Variants in SPG11 observed in about 807,000 individuals in gnomAD.
The protein encoded by SPG11 is SPG11 vesicle trafficking associated, spatacsin.
SPG11 carries 222 observed loss-of-function variants against 274.0 expected under a neutral mutation model. The ratio of observed to expected loss-of-function variants is 0.81; its 90% CI spans 0.73 to 0.91. The LOEUF (loss-of-function observed/expected upper bound fraction) is 0.91. Among genes scored for constraint, SPG11 ranks in the 40% least tolerant of loss-of-function variants. The pLI, the probability that SPG11 is intolerant of heterozygous loss-of-function variation, is 0.00. For synonymous variants in SPG11, 1,144 were observed against 1,039.7 expected (o/e 1.10, Z -1.93); for missense variants, 3,114 against 2,872.7 (o/e 1.08, Z -1.92).
rs1464190155 is a variant in SPG11, at chr15:44,600,464, C to T, written c.3686+3G>A. On this transcript the variant is annotated splice_donor_region_variant and intron_variant, in intron 21 of 39. Coordinates refer to ENST00000261866, the MANE Select transcript of SPG11 (RefSeq NM_025137.4). ...CAGACAAAATTATATTTTAAATACT[C>T]ACAGCTGCTTGGGAGTCTTGCTCTT... is the stretch of plus-strand genomic sequence containing the variant. 6.2e-7 allele frequency: 1 copy of T among 1,613,702 alleles called. No individual in the cohort carries two copies.
chr15:44,645,116 C>T (rs917209650), intron 7 of SPG11, among the ~76,000 whole-genome samples: 5 of 152,144 alleles, frequency 3.3e-5, no homozygotes, highest in Admixed American at 6.5e-5. Flanking sequence ...ATAGCCAAAG[C>T]GATCCTATGC....
chr15:44,573,064 G>A (rs2082457335), intron 32 of SPG11, among the ~76,000 whole-genome samples: 1 of 138,968 alleles, frequency 7.2e-6, no homozygotes, highest in Non-Finnish European at 1.5e-5. Context: ...TTGGCTCACT[G>A]CAACCTCAGC....
intron 33 of SPG11, among the ~76,000 whole-genome samples, chr15:44,571,433 G>T (rs2082421160): frequency 6.6e-6 from 1 of 151,512 alleles, no homozygotes; most frequent in Non-Finnish European, 1.5e-5. Flanking sequence ...TTGGCACTCA[G>T]TAAATACTGT....
intron 26 of SPG11, among the ~76,000 whole-genome samples, chr15:44,594,209 G>A (rs1489209759): frequency 6.6e-5 from 10 of 151,240 alleles, no homozygotes; most frequent in African/African-American, 9.7e-5. Flanking sequence ...GGAGGATCAC[G>A]AGGTCAGGAG....
chr15:44,563,339 T>C, intron 39 of SPG11, 38 bp from the exon 40 acceptor site: 1 of 1,589,620 alleles, frequency 6.3e-7, no homozygotes, highest in Non-Finnish European at 8.6e-7. Context: ...TAAGATACTG[T>C]TTTTTGTTTT....
At chr15:44,655,416 C>T (rs2084911382) in intron 4 of SPG11, among the ~76,000 whole-genome samples, 1 of 152,092 alleles carries the variant, frequency 6.6e-6, no homozygotes, top group Non-Finnish European at 1.5e-5. Context: ...AAAGTCATGA[C>T]ATTGTAAGAA....
intron 4 of SPG11, among the ~76,000 whole-genome samples, chr15:44,654,566 C>T (rs1365347580): frequency 1.3e-5 from 2 of 151,934 alleles, no homozygotes; most frequent in East Asian, 1.9e-4. Flanking sequence ...TGGCTGGGCG[C>T]GGTGGCTCAC....
Position 44,663,386 on chromosome 15 carries a change from C to CT in SPG11, c.257+4dup. 1 of 1,606,708 alleles carries CT rather than the reference C, an allele frequency of 6.2e-7. No homozygotes were observed. Among genetic ancestry groups the CT allele is most frequent in the Non-Finnish European group, 8.5e-7 (1 of 1,177,232 alleles). On this transcript the variant is annotated splice_donor_region_variant and intron_variant, in intron 1 of 39. Transcript: ENST00000261866. ...CCAACGGCCCAACTCTCCCTCAGCA[C>CT]TTACTGCCAGAAGGGGCCCTCCAGG...
intron 28 of SPG11, among the ~76,000 whole-genome samples, chr15:44,587,718 A>AAAAAAAAAAAAAAAACAAAAAAC (rs1567141736): frequency 1.3e-5 from 2 of 148,638 alleles, no homozygotes; most frequent in African/African-American, 5.1e-5. Flanking sequence ...AAAAAAAAAA[A>AAAAAAAAAAAAAAAACAAAAAAC]AACGTATTCC....
At chr15:44,624,601 G>A (rs1338223560) in intron 11 of SPG11, among the ~76,000 whole-genome samples, 2 of 152,146 alleles carry the variant, frequency 1.3e-5, no homozygotes, top group East Asian at 3.8e-4. Context: ...GGAGACCTAT[G>A]TACAGCATAG....
chr15:44,587,617 G>T (rs2082794738), intron 28 of SPG11, among the ~76,000 whole-genome samples: 1 of 149,328 alleles, frequency 6.7e-6, no homozygotes, highest in Non-Finnish European at 1.5e-5. Flanking sequence ...TTGAGCCTGG[G>T]AGGCAGAGGT....
At chr15:44,594,562 C>T (rs541314570) in intron 26 of SPG11, among the ~76,000 whole-genome samples, 121 of 124,464 alleles carry the variant, frequency 9.7e-4, no homozygotes, top group Non-Finnish European at 1.4e-3. Flanking sequence ...CTAGCCTGGT[C>T]AACATGGCAA....
Position 44,564,545 on chromosome 15 carries a change from A to C in SPG11, c.7151+2T>G. ...TGTTTACAGTCAACTTTTAATACTT[A>C]CTTTTTGGAAATCTCTTCAAATATA... On this transcript the variant is annotated splice_donor_variant, in intron 39 of 39. Transcript: ENST00000261866. LOFTEE classifies it high-confidence loss of function. 6.2e-7 allele frequency: 1 copy of C among 1,613,610 alleles called. No homozygotes were observed. The highest frequency in any genetic ancestry group is 8.5e-7 in the Non-Finnish European group (1 of 1,179,870).
chr15:44,607,510 C>A (rs529119275), intron 19 of SPG11, among the ~76,000 whole-genome samples: 122 of 152,212 alleles, frequency 8.0e-4, no homozygotes, highest in Non-Finnish European at 1.2e-3. Context: ...ACTCAGTGAC[C>A]CGCCCACCTT....
intron 30 of SPG11, among the ~76,000 whole-genome samples, chr15:44,580,216 A>T: frequency 6.6e-6 from 1 of 152,168 alleles, no homozygotes; most frequent in Non-Finnish European, 1.5e-5. Context: ...ATAATCAACT[A>T]CAGTACAGTA....
At chr15:44,658,476 T>TA (rs2085003849) in intron 3 of SPG11, among the ~76,000 whole-genome samples, 1 of 151,704 alleles carries the variant, frequency 6.6e-6, no homozygotes, top group Non-Finnish European at 1.5e-5. Flanking sequence ...TTTTTTTTTT[T>TA]AAGACAGAGT....
chr15:44,595,382 T>C lies in SPG11; in HGVS notation c.4512A>G (p.Gly1504=). Residue 1504 remains glycine, a synonymous_variant, in exon 26 of 40, where the codon GGA becomes GGG. Coordinates refer to ENST00000261866, the MANE Select transcript of SPG11 (RefSeq NM_025137.4). ...GGTCCTCTGTTGAGTCCTGAATGTGTCCCATTGCTTCAGTTGCAACATTGT... is the reference window on the plus strand; with the variant it reads ...GGTCCTCTGTTGAGTCCTGAATGTGCCCCATTGCTTCAGTTGCAACATTGT... The part of the protein sequence containing the change: ...VEDNVATEAM[G]HIQDSTEDHT... 6.2e-7 allele frequency: 1 copy of C among 1,614,174 alleles called. No individual in the cohort carries two copies. The highest frequency in any genetic ancestry group is 1.1e-5 in the South Asian group (1 of 91,088).
In SPG11 at chr15:44,572,753, T is replaced by G. The variant is rs760919526; in HGVS notation, c.6273A>C (p.Gln2091His). The G allele has an allele frequency of 1.9e-6, 3 of 1,614,112 alleles. No homozygotes were observed. Among genetic ancestry groups the G allele is most frequent in the Non-Finnish European group, 8.5e-7 (1 of 1,179,996 alleles). Residue 2091 changes from glutamine to histidine, a missense_variant, in exon 33 of 40, where the codon CAA (glutamine) becomes CAC (histidine). Transcript: ENST00000261866. ...ACTTCATGCCTACCAATGTGCGGTC[T>G]TGACACAGAGTGGTCAGCTGAAGAA... Reference protein sequence around the residue: ...QTFLQLTTLCQDRTLVGMKLL... With the variant: ...QTFLQLTTLCHDRTLVGMKLL...
At chr15:44,630,648 C>G (rs141978410) in intron 8 of SPG11, among the ~76,000 whole-genome samples, 3 of 152,088 alleles carry the variant, frequency 2.0e-5, no homozygotes, top group Admixed American at 1.3e-4. Flanking sequence ...GGAGCGATCT[C>G]GGGTCACTGC....
Sources: allele counts gnomAD v4.1 joint callset (sites outside exome capture counted in the v4.1 genomes callset), GRCh38; gene constraint gnomAD v4.1.1; transcripts MANE v1.5; gene names NCBI Gene and HGNC (gene_info 2026-07-23, HGNC 2026-07-21).